Variants in TBL1XR1 observed in about 807,000 individuals in gnomAD.
TBL1XR1 encodes the protein TBL1X/Y related 1.
Under a neutral mutation model 66.9 loss-of-function variants are expected in TBL1XR1, and 5 were observed. The observed-to-expected ratio is 0.07, with a 90% CI of 0.04 to 0.16. The LOEUF is 0.16. Ranked by LOEUF, TBL1XR1 falls within the 10% of genes least tolerant of loss-of-function variation. TBL1XR1 has a pLI of 1.00. For missense variants in TBL1XR1, 238 were observed against 623.2 expected (o/e 0.38, Z 6.58); for synonymous variants, 210 against 206.0 (o/e 1.02, Z -0.17).
chr3:177,117,707 G>T (rs1298877295), intron 1 of TBL1XR1, among the ~76,000 whole-genome samples: 1 of 152,152 alleles, frequency 6.6e-6, no homozygotes, highest in East Asian at 1.9e-4. Flanking sequence ...CTAGTACAGT[G>T]ACTAATCTTC....
At chr3:177,134,684 G>A (rs897906629) in intron 1 of TBL1XR1, among the ~76,000 whole-genome samples, 3 of 151,906 alleles carry the variant, frequency 2.0e-5, no homozygotes, top group Non-Finnish European at 2.9e-5. Context: ...TTTTAAATAC[G>A]GAATACATCT....
At chr3:177,197,716 G>T (rs868490647), upstream of TBL1XR1, among the ~76,000 whole-genome samples, 13 of 145,704 alleles carry the variant, frequency 8.9e-5, no homozygotes, top group African/African-American at 2.9e-4. Context: ...GCGGCGGGGG[G>T]GCTCCAGCGG....
chr3:177,154,687 G>T (rs1451256836), intron 1 of TBL1XR1, among the ~76,000 whole-genome samples: 1 of 152,036 alleles, frequency 6.6e-6, no homozygotes, highest in Non-Finnish European at 1.5e-5. Context: ...GAGCCACCGC[G>T]CCCGGCCGAC....
chr3:177,070,084 T>C (rs1719769294), intron 2 of TBL1XR1, among the ~76,000 whole-genome samples: 1 of 152,214 alleles, frequency 6.6e-6, no homozygotes, highest in Non-Finnish European at 1.5e-5. Flanking sequence ...ACTCATAATC[T>C]CAATTAAGCA....
Position 177,025,211 on chromosome 3 carries a change from A to G in TBL1XR1, c.*287T>C, listed in dbSNP as rs1712940256. On this transcript the variant is annotated 3_prime_UTR_variant, in exon 16 of 16. Coordinates refer to ENST00000457928, the MANE Select transcript of TBL1XR1 (RefSeq NM_024665.7). ...TGTATGTTCTGCTTTTATAATGTAT[A>G]TTTTTCTCTCTTCTGTTTTTCATAT... 2 of 381,904 alleles carry G rather than the reference A, an allele frequency of 5.2e-6. No individual in the cohort carries two copies. Among genetic ancestry groups the G allele is most frequent in the Admixed American group, 4.4e-5 (1 of 22,554 alleles). The allele number at this position is 381,904 out of a possible 1,614,324, so 23.7% of individuals were successfully genotyped here.
At chr3:177,182,479 T>G (rs1004292145) in intron 1 of TBL1XR1, among the ~76,000 whole-genome samples, 14 of 152,232 alleles carry the variant, frequency 9.2e-5, no homozygotes, top group African/African-American at 3.4e-4. Context: ...GTTTTGTATA[T>G]GTGAATCACT....
intron 1 of TBL1XR1, among the ~76,000 whole-genome samples, chr3:177,150,193 T>G (rs1730718859): frequency 6.6e-6 from 1 of 152,126 alleles, no homozygotes; most frequent in African/African-American, 2.4e-5. Flanking sequence ...TTAATTGTCT[T>G]CCCCAGAAAC....
intron 1 of TBL1XR1, among the ~76,000 whole-genome samples, chr3:177,122,618 T>TTA (rs1156832737): frequency 6.6e-6 from 1 of 152,120 alleles, no homozygotes; most frequent in Non-Finnish European, 1.5e-5. Context: ...TTCATAATGT[T>TTA]ATTAAAGTCG....
chr3:177,192,282 T>C (rs892103298), intron 1 of TBL1XR1, among the ~76,000 whole-genome samples: 60 of 151,060 alleles, frequency 4.0e-4, no homozygotes, highest in Non-Finnish European at 4.6e-4. Context: ...GCTAGGAGGC[T>C]GAGGCAGGAG....
chr3:177,081,743 CA>C (rs34501803), intron 2 of TBL1XR1, among the ~76,000 whole-genome samples: 75,122 of 128,956 alleles, frequency 0.58, 21,043 homozygotes, highest in South Asian at 0.74. Flanking sequence ...ACCCTGACTT[CA>C]AAAAAAAAAA....
intron 12 of TBL1XR1, among the ~76,000 whole-genome samples, chr3:177,035,244 T>C (rs1714606496): frequency 6.6e-6 from 1 of 152,158 alleles, no homozygotes; most frequent in African/African-American, 2.4e-5. Flanking sequence ...TCCCTTGAAA[T>C]AAGTTTCCTC....
intron 2 of TBL1XR1, among the ~76,000 whole-genome samples, chr3:177,090,517 TAAAAAAAA>T (rs768136243): frequency 9.8e-6 from 1 of 102,466 alleles, no homozygotes; most frequent in Non-Finnish European, 1.9e-5. Context: ...CTGTCTCTAC[TAAAAAAAA>T]AAAAAAAAAA....
intron 1 of TBL1XR1, among the ~76,000 whole-genome samples, chr3:177,158,791 C>T: frequency 6.6e-6 from 1 of 152,044 alleles, no homozygotes; most frequent in East Asian, 1.9e-4. Flanking sequence ...TACTAACAGC[C>T]CTAAGGCTAT....
At chr3:177,154,250 T>C (rs1469962957) in intron 1 of TBL1XR1, among the ~76,000 whole-genome samples, 2 of 152,252 alleles carry the variant, frequency 1.3e-5, no homozygotes, top group Non-Finnish European at 2.9e-5. Context: ...TGATTATTAA[T>C]ACATTAATAT....
At chr3:177,077,046 G>GACA (rs1471479564) in intron 2 of TBL1XR1, among the ~76,000 whole-genome samples, 1 of 152,214 alleles carries the variant, frequency 6.6e-6, no homozygotes, top group Admixed American at 6.5e-5. Context: ...CAAATGAGCA[G>GACA]ACAACTGGAA....
At chr3:177,079,505 A>G (rs897282621) in intron 2 of TBL1XR1, 1 of 151,828 alleles carries the variant, frequency 6.6e-6, no homozygotes, top group African/African-American at 2.4e-5. Context: ...ACTTATTTGT[A>G]ATTTTTTTAA....
rs112499965 is a variant in TBL1XR1 at position 177,151,217 on chromosome 3, T to C, written c.-122+45904A>G. Among the ~76,000 whole-genome samples the C allele has an allele frequency of 3.5e-3, 534 of 152,346 alleles. 3 individuals are homozygous for C. Among genetic ancestry groups the C allele is most frequent in the African/African-American group, 0.012 (510 of 41,574 alleles). ...GACTGAGAGCCACACATTTTTCACA[T>C]TGAACCACCTCTCCTGATGAAGTAT... On this transcript the variant is annotated intron_variant, in intron 1 of 15. Transcript: ENST00000457928.
At position 177,172,697 on chromosome 3, in the gene TBL1XR1, G is replaced by A. The variant is rs542897826; in HGVS notation, c.-122+24424C>T. ...GGAGGGGAGGGGAGAGGGGAGGGGA[G>A]GAGAGGGAAGAGAAGAGCCAAGCCG... On this transcript the variant is annotated intron_variant, in intron 1 of 15. Transcript: ENST00000457928. Among the ~76,000 whole-genome samples, 951 of 144,006 alleles carry A rather than the reference G, an allele frequency of 6.6e-3. 28 individuals carry two copies. The highest frequency in any genetic ancestry group is 0.023 in the African/African-American group (891 of 39,348). The allele number at this position is 144,006 out of a possible 152,430, so 94.5% of individuals were successfully genotyped here.
intron 2 of TBL1XR1, among the ~76,000 whole-genome samples, chr3:177,065,847 C>T (rs937923911): frequency 5.9e-5 from 9 of 152,144 alleles, no homozygotes; most frequent in South Asian, 2.1e-4. Flanking sequence ...TGTAAACAAA[C>T]GAGTGTGGCT....
Sources: gnomAD v4.1 joint callset for allele counts (sites outside exome capture counted in the v4.1 genomes callset) on GRCh38, gnomAD v4.1.1 for gene constraint, MANE v1.5 for transcripts, NCBI Gene and HGNC (gene_info 2026-07-23, HGNC 2026-07-21) for gene names.